The following SULF1 variants were observed in gnomAD, a reference collection of about 807,000 sequenced individuals.
SULF1 encodes the protein extracellular sulfatase Sulf-1.
A neutral mutation model predicts 110.5 loss-of-function variants in SULF1; 46 were observed. The observed-to-expected ratio is 0.42, with a 90% CI of 0.33 to 0.53. The LOEUF is 0.53. SULF1 is among the 20% of genes least tolerant of loss of function. SULF1 has a pLI of 0.12. For missense variants in SULF1, 941 were observed against 1,094.2 expected, an observed-to-expected ratio of 0.86 and a Z score of 1.98; for synonymous variants, 371 against 387.1, an observed-to-expected ratio of 0.96 and a Z score of 0.49.
At chr8:69,616,107 A>G (rs542191312) in intron 13 of SULF1, among the ~76,000 whole-genome samples, 11 of 137,906 alleles carry the variant, frequency 8.0e-5, no homozygotes, top group Admixed American at 2.8e-4. Flanking sequence ...ACACACATAT[A>G]TGTGTGTGTA....
In SULF1 at chr8:69,627,770, A is replaced by G; in HGVS notation, c.1948-2A>G. 1 of 1,596,776 alleles carries G rather than the reference A, an allele frequency of 6.3e-7. No homozygotes were observed. Among genetic ancestry groups the G allele is most frequent in the Non-Finnish European group, 8.6e-7 (1 of 1,169,504 alleles). On this transcript the variant is annotated splice_acceptor_variant, in intron 16 of 22. Transcript: ENST00000402687. LOFTEE classifies it high-confidence loss of function. ...GTAAGTGCTTGAAAACATGTTTTCC[A>G]GATTGAAGCTCTGCAAGATAAAATT...
In SULF1 at chr8:69,603,175, C is replaced by T. The variant is rs377329644; in HGVS notation, c.1062-17C>T. On this transcript the variant is annotated splice_polypyrimidine_tract_variant and intron_variant, in intron 10 of 22. Coordinates refer to ENST00000402687, the MANE Select transcript of SULF1 (RefSeq NM_001128205.2). ...CCTGGCATTGGATCTCAGCCATCACCGTGTGCCCCTTTACAGAGTCCCACA... is the reference window on the plus strand; with the variant it reads ...CCTGGCATTGGATCTCAGCCATCACTGTGTGCCCCTTTACAGAGTCCCACA... 35 of 1,614,012 alleles carry T rather than the reference C, an allele frequency of 2.2e-5. No homozygotes were observed. The African/African-American group carries it at 2.9e-4, about 14-fold the overall frequency.
chr8:69,517,482 T>C (rs772100187), intron 3 of SULF1, among the ~76,000 whole-genome samples: 4 of 152,032 alleles, frequency 2.6e-5, no homozygotes, highest in Non-Finnish European at 5.9e-5. Flanking sequence ...AAGACATAAA[T>C]TTAGGAACCA....
intron 3 of SULF1, among the ~76,000 whole-genome samples, chr8:69,524,442 G>T (rs772076866): frequency 6.6e-6 from 1 of 152,060 alleles, no homozygotes; most frequent in Non-Finnish European, 1.5e-5. Context: ...GCGGTGAGGT[G>T]CCGTGCTCTT....
chr8:69,632,939 T>C (rs1157367022), intron 19 of SULF1, among the ~76,000 whole-genome samples: 1 of 150,370 alleles, frequency 6.7e-6, no homozygotes, highest in East Asian at 2.0e-4. Context: ...GGTGGGAGAA[T>C]CACTTGAGCA....
intron 3 of SULF1, among the ~76,000 whole-genome samples, chr8:69,516,866 A>G (rs996898351): frequency 6.6e-6 from 1 of 152,180 alleles, no homozygotes; most frequent in African/African-American, 2.4e-5. Flanking sequence ...TAAAAAACAA[A>G]TACCTTAACA....
chr8:69,648,949 G>A (rs999549948), intron 22 of SULF1, among the ~76,000 whole-genome samples: 1 of 152,146 alleles, frequency 6.6e-6, no homozygotes, highest in African/African-American at 2.4e-5. Context: ...ATGGATTCAC[G>A]GCTTTTCTGT....
chr8:69,497,546 T>A (rs1458382438), intron 2 of SULF1, among the ~76,000 whole-genome samples: 7 of 152,192 alleles, frequency 4.6e-5, no homozygotes, highest in Non-Finnish European at 8.8e-5. Context: ...ACCTTACACA[T>A]CTGTCTAAAT....
intron 13 of SULF1, among the ~76,000 whole-genome samples, chr8:69,616,211 T>TGTATATAA: frequency 1.0e-5 from 1 of 100,170 alleles, no homozygotes; most frequent in East Asian, 2.4e-4. Flanking sequence ...TATGTGTGTG[T>TGTATATAA]ATATATATAT....
At chr8:69,486,084 G>A (rs902600277) in intron 1 of SULF1, among the ~76,000 whole-genome samples, 2 of 152,118 alleles carry the variant, frequency 1.3e-5, no homozygotes, top group African/African-American at 4.8e-5. Context: ...TTGGGCAACT[G>A]TCAGAGTCAC....
chr8:69,513,413 G>C (rs1215563538), intron 3 of SULF1, among the ~76,000 whole-genome samples: 2 of 152,228 alleles, frequency 1.3e-5, no homozygotes, highest in African/African-American at 2.4e-5. Flanking sequence ...GAGCTGTTGT[G>C]AAAGGCAAGA....
At chr8:69,616,823 G>T (rs575967603) in intron 13 of SULF1, among the ~76,000 whole-genome samples, 1 of 151,730 alleles carries the variant, frequency 6.6e-6, no homozygotes, top group East Asian at 1.9e-4. Flanking sequence ...AAAGTGCTGG[G>T]ATTACAGGCG....
At chr8:69,479,229 T>G (rs1809420206) in intron 1 of SULF1, among the ~76,000 whole-genome samples, 1 of 152,216 alleles carries the variant, frequency 6.6e-6, no homozygotes, top group Non-Finnish European at 1.5e-5. Flanking sequence ...TGTTATCAAT[T>G]AATTTCTCTT....
chr8:69,556,498 C>CT, intron 3 of SULF1, among the ~76,000 whole-genome samples: 1 of 152,312 alleles, frequency 6.6e-6, no homozygotes, highest in South Asian at 2.1e-4. Context: ...CTATGTGTGA[C>CT]TTGCAGTATG....
intron 3 of SULF1, among the ~76,000 whole-genome samples, chr8:69,533,411 C>A (rs1033694989): frequency 1.6e-4 from 25 of 152,272 alleles, no homozygotes; most frequent in Middle Eastern, 3.4e-3. Flanking sequence ...CTCCGTCCCC[C>A]TCCCCCAGTG....
chr8:69,578,667 CT>C (rs1323622899), intron 6 of SULF1, among the ~76,000 whole-genome samples: 6 of 152,070 alleles, frequency 3.9e-5, no homozygotes, highest in Non-Finnish European at 7.4e-5. Context: ...TGGACTGTCA[CT>C]TTTTTGTGCA....
At chr8:69,502,515 A>G (rs190127958) in intron 3 of SULF1, among the ~76,000 whole-genome samples, 15 of 152,320 alleles carry the variant, frequency 9.8e-5, no homozygotes, top group Admixed American at 7.2e-4. Flanking sequence ...GTTTGGGTTC[A>G]TATGAGGGTA....
chr8:69,537,024 G>A (rs1563508977), intron 3 of SULF1, among the ~76,000 whole-genome samples: 1 of 152,164 alleles, frequency 6.6e-6, no homozygotes, highest in African/African-American at 2.4e-5. Flanking sequence ...GGGGGAATGA[G>A]TCCTACCTCC....
At chr8:69,607,268 T>C (rs952943515) in intron 13 of SULF1, among the ~76,000 whole-genome samples, 13 of 152,340 alleles carry the variant, frequency 8.5e-5, no homozygotes, top group Admixed American at 6.5e-5. Flanking sequence ...CCTCAAACCA[T>C]AGCTTAGGAA....
Sources: allele counts gnomAD v4.1 joint callset (sites outside exome capture counted in the v4.1 genomes callset), GRCh38; gene constraint gnomAD v4.1.1; transcripts MANE v1.5; gene names NCBI Gene and HGNC (gene_info 2026-07-23, HGNC 2026-07-21).